Variants in CCDC102B observed in about 807,000 individuals in gnomAD.
CCDC102B encodes coiled-coil domain-containing protein 102B.
In CCDC102B, 75 loss-of-function variants were observed where a neutral mutation model predicts 57.4. The observed-to-expected ratio is 1.31, with a 90% CI of 1.08 to 1.58. CCDC102B has a LOEUF of 1.58. CCDC102B is among the 40% of genes most tolerant of loss of function. CCDC102B has a pLI of 0.00. For synonymous variants in CCDC102B, 206 were observed against 201.9 expected (o/e 1.02, Z -0.17); for missense variants, 636 against 582.6 (o/e 1.09, Z -0.94).
intron 6 of CCDC102B, among the ~76,000 whole-genome samples, chr18:68,988,895 G>A (rs664601): frequency 0.01 from 1,539 of 152,262 alleles, 39 homozygotes; most frequent in African/African-American, 0.035. Context: ...CAATGTAGGT[G>A]TGTATTGCGT....
chr18:68,724,292 C>G (rs149115609), intron 2 of CCDC102B, among the ~76,000 whole-genome samples: 1 of 152,162 alleles, frequency 6.6e-6, no homozygotes, highest in East Asian at 1.9e-4. Context: ...TGACATGCCC[C>G]GAAGACATTT....
At chr18:68,927,433 A>G (rs2041510574) in intron 6 of CCDC102B, among the ~76,000 whole-genome samples, 1 of 151,976 alleles carries the variant, frequency 6.6e-6, no homozygotes, top group Non-Finnish European at 1.5e-5. Flanking sequence ...TGTCCCGTAG[A>G]GTGTAGACCT....
At chr18:68,778,721 G>A (rs999442070) in intron 2 of CCDC102B, among the ~76,000 whole-genome samples, 8 of 151,990 alleles carry the variant, frequency 5.3e-5, no homozygotes, top group Admixed American at 2.6e-4. Flanking sequence ...TGCTTATCAA[G>A]CTAATGTGCT....
At chr18:68,949,128 G>A (rs1182325407) in intron 6 of CCDC102B, among the ~76,000 whole-genome samples, 2 of 152,064 alleles carry the variant, frequency 1.3e-5, no homozygotes, top group Admixed American at 1.3e-4. Context: ...GCTGGCAGTG[G>A]ATTAGATGGT....
At chr18:69,031,904 G>A (rs1019791268) in intron 7 of CCDC102B, among the ~76,000 whole-genome samples, 2 of 151,772 alleles carry the variant, frequency 1.3e-5, no homozygotes, top group African/African-American at 2.4e-5. Flanking sequence ...TGTTCTTTAA[G>A]TTCCTTTAAG....
chr18:68,846,386 G>A lies in CCDC102B; in HGVS notation c.901G>A (p.Glu301Lys), dbSNP rs145012390. 1 of 1,588,258 alleles carries A rather than the reference G, an allele frequency of 6.3e-7. No homozygotes were observed. Among genetic ancestry groups the A allele is most frequent in the South Asian group, 1.1e-5 (1 of 88,040 alleles). Residue 301 changes from glutamate (E) to lysine (K), a missense_variant, in exon 4 of 8, where the codon GAA becomes AAA. Glu to Lys is a moderately conservative substitution (Grantham distance 56). Transcript: ENST00000360242. ...ALSLWKWKYE[E>K]LKESKPKNVK... is the part of the protein sequence containing the mutation. Reference sequence around the variant, plus strand: ...GTCTCTGTGGAAGTGGAAGTATGAAGAACTGAAAGAATCAAAGCCAAAAAA... The same window carrying A: ...GTCTCTGTGGAAGTGGAAGTATGAAAAACTGAAAGAATCAAAGCCAAAAAA...
intron 5 of CCDC102B, among the ~76,000 whole-genome samples, chr18:68,884,853 T>C (rs1344540725): frequency 6.6e-6 from 1 of 151,302 alleles, no homozygotes; most frequent in East Asian, 1.9e-4. Context: ...GCCAAATGAG[T>C]AGATTTTAAC....
In CCDC102B at chr18:68,857,275, ATAATATATATT is replaced by A. The variant is rs1271331773; in HGVS notation, c.936+10857_936+10867del. ...ATTATTTAAATATATAAATATATAT[ATAATATATATT>A]TATATATTATATATATAATATATAT... On this transcript the variant is annotated intron_variant, in intron 4 of 7. Coordinates refer to ENST00000360242, the MANE Select transcript of CCDC102B (RefSeq NM_024781.3). Among the ~76,000 whole-genome samples the A allele has an allele frequency of 4.8e-4, 9 of 18,912 alleles. 3 individuals carry two copies. In the Admixed American group the frequency reaches 0.011, roughly 22 times the overall value. 12.4% of individuals were successfully genotyped at this position (18,912 alleles called of 152,430 possible). A position where few individuals can be genotyped will look rare whatever the true frequency, so the allele number is the denominator to read the frequency against.
rs1422933816 is a variant in CCDC102B, at chr18:68,837,018, T to C, written c.255T>C (p.Ala85=). Residue 85 remains alanine (A), a synonymous_variant, in exon 2 of 8, where the codon GCT becomes GCC. Transcript: ENST00000360242. ...AGCTTGAAGAAGTCAAGGCCAGAGC[T>C]GCTCAGATGGAAAAGACCATGCGGT... ...LRELEEVKAR[A]AQMEKTMRWW... The C allele has an allele frequency of 6.2e-7, 1 of 1,614,140 alleles. No homozygotes were observed.
At chr18:68,869,599 T>G (rs548290366) in intron 4 of CCDC102B, among the ~76,000 whole-genome samples, 1 of 152,306 alleles carries the variant, frequency 6.6e-6, no homozygotes, top group African/African-American at 2.4e-5. Context: ...CTGTTTAAGT[T>G]CGTTATAGAT....
At chr18:68,818,220 G>GGTCT (rs10640075) in intron 1 of CCDC102B, among the ~76,000 whole-genome samples, 59,100 of 150,216 alleles carry the variant, frequency 0.39, 12,440 homozygotes, top group East Asian at 0.82. Flanking sequence ...CTGTCCCTGT[G>GGTCT]GTCTGTACTT....
intron 1 of CCDC102B, among the ~76,000 whole-genome samples, chr18:68,827,224 A>C (rs887635651): frequency 6.6e-6 from 1 of 152,154 alleles, no homozygotes; most frequent in African/African-American, 2.4e-5. Context: ...CTGTAGCATC[A>C]AAAAACAAGA....
At chr18:68,974,754 ATTAAAT>A (rs2050389199) in intron 6 of CCDC102B, among the ~76,000 whole-genome samples, 1 of 151,946 alleles carries the variant, frequency 6.6e-6, no homozygotes, top group South Asian at 2.1e-4. Flanking sequence ...TAAAATTGAC[ATTAAAT>A]TTAAACTTTA....
intron 7 of CCDC102B, among the ~76,000 whole-genome samples, chr18:69,032,889 A>C (rs112658645): frequency 6.6e-6 from 1 of 152,128 alleles, no homozygotes; most frequent in Admixed American, 6.6e-5. Context: ...TTAGCAGACA[A>C]GAGAAGAAAA....
At chr18:68,737,936 C>CCCTTGA (rs1299909938) in intron 2 of CCDC102B, among the ~76,000 whole-genome samples, 3 of 152,018 alleles carry the variant, frequency 2.0e-5, no homozygotes, top group African/African-American at 7.3e-5. Flanking sequence ...AAGTACAAAT[C>CCCTTGA]CCTTGAATGT....
chr18:68,937,397 T>C (rs556510396), intron 6 of CCDC102B, among the ~76,000 whole-genome samples: 2 of 152,166 alleles, frequency 1.3e-5, no homozygotes, highest in East Asian at 3.9e-4. Flanking sequence ...GGAAACGTGG[T>C]CATCCATCTG....
intron 7 of CCDC102B, among the ~76,000 whole-genome samples, chr18:69,027,539 A>C (rs2145435389): frequency 6.6e-6 from 1 of 152,318 alleles, no homozygotes. Flanking sequence ...GTCTAGGTGT[A>C]AATCATTTAG....
intron 6 of CCDC102B, among the ~76,000 whole-genome samples, chr18:68,907,391 T>C (rs536530659): frequency 6.6e-6 from 1 of 152,324 alleles, no homozygotes; most frequent in East Asian, 1.9e-4. Context: ...TTAGATTGCT[T>C]TTCAGAGTAT....
At chr18:68,911,478 C>T (rs9965101) in intron 6 of CCDC102B, among the ~76,000 whole-genome samples, 54 of 150,808 alleles carry the variant, frequency 3.6e-4, no homozygotes, top group Admixed American at 5.2e-4. Context: ...AAAGGCCGGG[C>T]GCGGTGGCTC....
Sources: allele counts gnomAD v4.1 joint callset (sites outside exome capture counted in the v4.1 genomes callset), GRCh38; gene constraint gnomAD v4.1.1; transcripts MANE v1.5; gene names NCBI Gene and HGNC (gene_info 2026-07-23, HGNC 2026-07-21).